Variants in CAMKK2 observed in about 807,000 individuals in gnomAD.
CAMKK2 encodes the protein calcium/calmodulin-dependent protein kinase kinase 2.
In CAMKK2, 30 loss-of-function variants were observed where a neutral mutation model predicts 67.2. The observed-to-expected ratio is 0.45, with a 90% CI of 0.33 to 0.61. CAMKK2 has a LOEUF of 0.61. Ranked by LOEUF, CAMKK2 falls within the 20% of genes least tolerant of loss-of-function variation. The pLI, the probability that CAMKK2 is intolerant of heterozygous loss-of-function variation, is 0.02. For missense variants in CAMKK2, 643 were observed against 802.0 expected (o/e 0.80, Z 2.39); for synonymous variants, 322 against 326.2 (o/e 0.99, Z 0.14).
At chr12:121,255,854 T>C in intron 7 of CAMKK2, 50 bp from the exon 8 acceptor site, 2 of 1,569,498 alleles carry the variant, frequency 1.3e-6, no homozygotes, top group Non-Finnish European at 1.8e-6. Flanking sequence ...TGAACATCCA[T>C]CTCTCTCTGT....
chr12:121,242,806 A>T (rs1228572238), intron 16 of CAMKK2, among the ~76,000 whole-genome samples: 1 of 151,592 alleles, frequency 6.6e-6, no homozygotes, highest in Non-Finnish European at 1.5e-5. Context: ...GCTGTGGCGC[A>T]ATCTCGGCTC....
intron 1 of CAMKK2, among the ~76,000 whole-genome samples, chr12:121,279,370 G>C (rs1897329934): frequency 6.6e-6 from 1 of 152,244 alleles, no homozygotes. Flanking sequence ...TGGCCTCACA[G>C]ACACCTAGAG....
chr12:121,249,758 G>C lies in CAMKK2; in HGVS notation c.1323+29C>G, dbSNP rs200377969. ...GCATGGCTGAGCCAAACAATTCCGA[G>C]CACGGGGCACAGGCTGAGCCAAGGG... On this transcript the variant is annotated intron_variant, in intron 13 of 16. Coordinates refer to ENST00000404169, the MANE Select transcript of CAMKK2 (RefSeq NM_001270485.2). 5.6e-6 allele frequency: 9 copies of C among 1,595,300 alleles called. No homozygotes were observed. In the East Asian group the frequency reaches 1.8e-4, roughly 32 times the overall value.
intron 14 of CAMKK2, 82 bp downstream of exon 14, chr12:121,248,524 C>T (rs146080607): frequency 7.8e-6 from 12 of 1,548,138 alleles, no homozygotes; most frequent in South Asian, 2.3e-5. Context: ...CCCGGGCACC[C>T]GCCTGTGTCC....
intron 7 of CAMKK2, 76 bp downstream of exon 7, chr12:121,260,243 C>G: frequency 7.8e-7 from 1 of 1,285,642 alleles, no homozygotes; most frequent in Non-Finnish European, 1.1e-6. Context: ...AGGGCACAGG[C>G]TGCCTCGAGA....
At chr12:121,297,440 T>C (rs1334866341), upstream of CAMKK2, 5 of 377,654 alleles carry the variant, frequency 1.3e-5, no homozygotes, top group Admixed American at 1.5e-4. Flanking sequence ...CCCACCTGGA[T>C]GCACCATTGA....
Position 121,274,321 on chromosome 12 carries a change from G to A in CAMKK2, c.206C>T (p.Ala69Val), listed in dbSNP as rs202102327. 1.9e-5 allele frequency: 30 copies of A among 1,613,120 alleles called. No individual in the cohort carries two copies. The highest frequency in any genetic ancestry group is 9.9e-5 in the South Asian group (9 of 91,086). ...ATCGGCCTCCAGGGGCCGGTCCCGCGCCAAGCCGAGGTCCACAGCACAGCC... is the reference window on the plus strand; with the variant it reads ...ATCGGCCTCCAGGGGCCGGTCCCGCACCAAGCCGAGGTCCACAGCACAGCC... ...EPGCAVDLGL[A>V]RDRPLEADGQ... The change falls in exon 2 of 17, where the codon GCG becomes GTG. Residue 69 changes from alanine to valine, a missense_variant. By Grantham distance (64) the Ala-to-Val change is moderately conservative (BLOSUM62 0). Transcript: ENST00000404169.
At chr12:121,282,585 C>T (rs1897997118) in intron 1 of CAMKK2, among the ~76,000 whole-genome samples, 1 of 152,122 alleles carries the variant, frequency 6.6e-6, no homozygotes, top group South Asian at 2.1e-4. Flanking sequence ...GGAGACGATG[C>T]TCCTTCTAGA....
At chr12:121,275,087 C>T (rs1896556220) in intron 1 of CAMKK2, among the ~76,000 whole-genome samples, 1 of 152,208 alleles carries the variant, frequency 6.6e-6, no homozygotes, top group African/African-American at 2.4e-5. Flanking sequence ...CGGCAGGAAT[C>T]TGGGCCTACT....
At chr12:121,289,706 T>C (rs1239960225) in intron 1 of CAMKK2, among the ~76,000 whole-genome samples, 1 of 151,932 alleles carries the variant, frequency 6.6e-6, no homozygotes, top group African/African-American at 2.4e-5. Context: ...CAGCCTGGCC[T>C]ACATGGTGAA....
intron 3 of CAMKK2, 76 bp downstream of exon 3, chr12:121,270,822 T>C: frequency 8.3e-7 from 1 of 1,201,042 alleles, no homozygotes; most frequent in Non-Finnish European, 1.2e-6. Context: ...TGCTCCCAGC[T>C]TTACCCCGTT....
chr12:121,271,557 C>T (rs1431280134), intron 2 of CAMKK2, among the ~76,000 whole-genome samples: 4 of 152,080 alleles, frequency 2.6e-5, no homozygotes, highest in Admixed American at 1.3e-4. Flanking sequence ...ACAAGTAATC[C>T]TTGGCTACAT....
intron 7 of CAMKK2, among the ~76,000 whole-genome samples, chr12:121,257,116 G>C (rs1476530889): frequency 6.6e-6 from 1 of 152,076 alleles, no homozygotes; most frequent in Non-Finnish European, 1.5e-5. Context: ...AATGAGATGA[G>C]CATGTAATAG....
At chr12:121,259,032 G>A (rs191072804) in intron 7 of CAMKK2, among the ~76,000 whole-genome samples, 99 of 152,004 alleles carry the variant, frequency 6.5e-4, no homozygotes, top group African/African-American at 2.1e-3. Context: ...TAGTAGAGAC[G>A]GGGTTTCGCT....
intron 9 of CAMKK2, 59 bp downstream of exon 9, chr12:121,255,491 C>A (rs1052647111): frequency 7.0e-7 from 1 of 1,426,808 alleles, no homozygotes; most frequent in African/African-American, 1.4e-5. Context: ...CCACTTTGCA[C>A]CCACGCTCAG....
At chr12:121,260,588 A>G in intron 6 of CAMKK2, 1 of 552,348 alleles carries the variant, frequency 1.8e-6, no homozygotes, top group East Asian at 3.2e-5. Flanking sequence ...GAGGATCTGA[A>G]CACTCAGGAG....
At chr12:121,276,745 G>A (rs1896884769) in intron 1 of CAMKK2, among the ~76,000 whole-genome samples, 1 of 152,028 alleles carries the variant, frequency 6.6e-6, no homozygotes, top group African/African-American at 2.4e-5. Context: ...AATAAGCCAG[G>A]TGTAGTGGCT....
rs776769786 is a variant in CAMKK2, at chr12:121,252,749, G to A, written c.1108-35C>T. On this transcript the variant is annotated intron_variant, in intron 10 of 16. Transcript: ENST00000404169. ...AAAGAGCTTAGTGTGAGGGCATAAG[G>A]GGTGGTCCAGCCTCCAATCCTCCAG... 4 of 1,610,002 alleles carry A rather than the reference G, an allele frequency of 2.5e-6. No homozygotes were observed. In the East Asian group the frequency reaches 8.9e-5, roughly 36 times the overall value.
Position 121,250,052 on chromosome 12 carries a change from A to T in CAMKK2, c.1162-18T>A, listed in dbSNP as rs1057409750. On this transcript the variant is annotated intron_variant, in intron 11 of 16. Coordinates refer to ENST00000404169, the MANE Select transcript of CAMKK2 (RefSeq NM_001270485.2). ...AATGGGCACTGCAAAGAGGCCAGGG[A>T]CAGAGTGGCAGTCAATGGCGGCCAC... The T allele has an allele frequency of 1.9e-6, 3 of 1,603,934 alleles. No individual in the cohort carries two copies. In the Admixed American group the frequency reaches 5.1e-5, roughly 27 times the overall value.
Sources: gnomAD v4.1 joint callset for allele counts (sites outside exome capture counted in the v4.1 genomes callset) on GRCh38, gnomAD v4.1.1 for gene constraint, MANE v1.5 for transcripts, NCBI Gene and HGNC (gene_info 2026-07-23, HGNC 2026-07-21) for gene names.